Variants in ZBTB48 observed in about 807,000 individuals in gnomAD.
The protein encoded by ZBTB48 is zinc finger and BTB domain-containing protein 48.
Under a neutral mutation model 64.5 loss-of-function variants are expected in ZBTB48, and 35 were observed. The ratio of observed to expected loss-of-function variants is 0.54; its 90% CI spans 0.41 to 0.72. The LOEUF (loss-of-function observed/expected upper bound fraction) is 0.72, where lower values mean the gene tolerates loss of function less well. Ranked by LOEUF, ZBTB48 falls within the 30% of genes least tolerant of loss-of-function variation. The probability of loss-of-function intolerance (pLI) is 0.00; values close to 1 mark genes in which losing one functional copy is unlikely to be tolerated. For missense variants in ZBTB48, 828 were observed against 895.3 expected (o/e 0.92, Z 0.96); for synonymous variants, 442 against 356.7 (o/e 1.24, Z -2.70).
At chr1:6,586,571 C>T in intron 4 of ZBTB48, 124 bp from the exon 5 acceptor site, 1 of 1,327,052 alleles carries the variant, frequency 7.5e-7, no homozygotes, top group Non-Finnish European at 9.8e-7. Flanking sequence ...CCCTCTCCCA[C>T]CCTAGCGTCC....
At position 6,589,123 on chromosome 1, in the gene ZBTB48, CTG is replaced by C. The variant is rs768074078; in HGVS notation, c.1983_1984del (p.Ala662ArgfsTer25). On this transcript the variant is annotated frameshift_variant, in exon 11 of 11. Transcript: ENST00000377674. LOFTEE classifies it high-confidence loss of function. ...GLASQLPGQRLCAEESFTGPG... is the reference protein window; with the variant it reads ...GLASQLPGQRXCAEESFTGPG... ...GGCCTCCCAGCTCCCCGGCCAGAGA[CTG>C]TGTGCAGAGGAGAGCTTCACCGGCC... is the stretch of plus-strand genomic sequence containing the variant. 1.2e-6 allele frequency: 2 copies of C among 1,606,424 alleles called. No homozygotes were observed. Among genetic ancestry groups the C allele is most frequent in the Non-Finnish European group, 1.7e-6 (2 of 1,177,246 alleles).
rs1640774294 is a variant in ZBTB48 at position 6,588,824 on chromosome 1, G to A, written c.1750G>A (p.Gly584Ser). The A allele has an allele frequency of 6.2e-7, 1 of 1,614,028 alleles. No individual in the cohort carries two copies. Among genetic ancestry groups the A allele is most frequent in the Non-Finnish European group, 8.5e-7 (1 of 1,180,046 alleles). Residue 584 changes from glycine (G) to serine (S), a missense_variant, in exon 10 of 11, where the codon GGC (glycine) becomes AGC (serine). Coordinates refer to ENST00000377674, the MANE Select transcript of ZBTB48 (RefSeq NM_005341.4). ...GAGGAAGTTTGAGTGCACCGAGTGT[G>A]GCTACAAGTTTACCCGACAGGTAGG... ...GVRKFECTEC[G>S]YKFTRQAHLR...
At chr1:6,581,914 C>T in intron 2 of ZBTB48, 144 bp from the exon 3 acceptor site, 13 of 1,246,910 alleles carry the variant, frequency 1.0e-5, no homozygotes, top group South Asian at 1.4e-5. Flanking sequence ...GATTCAGATG[C>T]TCTGCCTTGG....
In ZBTB48 at chr1:6,586,577, C is replaced by T. The variant is rs534411936; in HGVS notation, c.1045-118C>T. ...TATGTGTTGCCCTCTCCCACCCTAG[C>T]GTCCCCACCCTCCCCAGGCAGACTC... On this transcript the variant is annotated intron_variant, in intron 4 of 10. Transcript: ENST00000377674. 11 of 1,381,050 alleles carry T rather than the reference C, an allele frequency of 8.0e-6. No individual in the cohort carries two copies. The East Asian group carries it at 1.1e-4, about 14-fold the overall frequency. 85.5% of individuals were successfully genotyped at this position (1,381,050 alleles called of 1,614,324 possible).
Position 6,580,599 on chromosome 1 carries a change from C to A in ZBTB48, c.-11C>A. 1 of 1,600,574 alleles carries A rather than the reference C, an allele frequency of 6.2e-7. No individual in the cohort carries two copies. On this transcript the variant is annotated 5_prime_UTR_variant, in exon 2 of 11. Transcript: ENST00000377674. This position sits in a 1 kb window ranked among gnomAD's most constrained non-coding sequence, Gnocchi z 5.2. ...CCGGGGTGTCACTTCTGCCTCCCTG[C>A]CCTCCAGACCATGGACGGCTCCTTC... is the stretch of plus-strand genomic sequence containing the variant.
Position 6,587,459 on chromosome 1 carries a change from C to T in ZBTB48, c.1225-19C>T, listed in dbSNP as rs1328597980. 6.2e-7 allele frequency: 1 copy of T among 1,613,416 alleles called. No individual in the cohort carries two copies. Among genetic ancestry groups the T allele is most frequent in the Non-Finnish European group, 8.5e-7 (1 of 1,179,888 alleles). ...CCCTGGCCCTGGTCCCTCCCTCTGC[C>T]TGCCTGGTCTGCCTGCAGTGCCCCA... is the stretch of plus-strand genomic sequence containing the variant. On this transcript the variant is annotated intron_variant, in intron 6 of 10. Transcript: ENST00000377674.
chr1:6,588,870 C>T (rs375039670), intron 10 of ZBTB48, 26 bp downstream of exon 10: 44 of 1,613,850 alleles, frequency 2.7e-5, no homozygotes, highest in Non-Finnish European at 3.7e-5. Context: ...GGCCCCTTCC[C>T]CTACCCTAGG....
At chr1:6,583,495 T>A (rs1335329046) in intron 3 of ZBTB48, among the ~76,000 whole-genome samples, 1 of 150,984 alleles carries the variant, frequency 6.6e-6, no homozygotes, top group Non-Finnish European at 1.5e-5. Flanking sequence ...GAGATGGGGC[T>A]TCACTATCTT....
At chr1:6,585,702 G>A in intron 3 of ZBTB48, 1 of 571,922 alleles carries the variant, frequency 1.7e-6, no homozygotes, top group Non-Finnish European at 3.1e-6. Context: ...CCAGATCCAT[G>A]GCAGCCTCTT....
intron 3 of ZBTB48, 140 bp from the exon 4 acceptor site, chr1:6,585,779 T>TAA: frequency 1.4e-6 from 1 of 740,100 alleles, no homozygotes; most frequent in South Asian, 1.6e-5. Context: ...GGGAGGCTTC[T>TAA]GGGCTTGTCC....
In ZBTB48 at chr1:6,580,971, G is replaced by A; in HGVS notation, c.362G>A (p.Gly121Glu). 5 of 1,613,788 alleles carry A rather than the reference G, an allele frequency of 3.1e-6. No individual in the cohort carries two copies. Among genetic ancestry groups the A allele is most frequent in the South Asian group, 1.1e-5 (1 of 91,088 alleles). The change falls in exon 2 of 11, where the codon GGA (glycine) becomes GAA (glutamate). Residue 121 changes from glycine to glutamate, a missense_variant. By Grantham distance (98) the Gly-to-Glu change is moderately conservative (BLOSUM62 -2). Coordinates refer to ENST00000377674, the MANE Select transcript of ZBTB48 (RefSeq NM_005341.4). The surrounding 1 kb of genome is among the most constrained non-coding windows in gnomAD (Gnocchi z 5.2). The stretch of plus-strand genomic sequence containing the variant: ...AGCTTCAAGCCCAAAACTTCAGTGG[G>A]ACAGGCAGCAGGTGGCCAGAGTGGG... Reference protein sequence around the residue: ...CQSFKPKTSVGQAAGGQSGLG... With the variant: ...CQSFKPKTSVEQAAGGQSGLG...
intron 7 of ZBTB48, 133 bp downstream of exon 7, chr1:6,587,765 A>C (rs538070637): frequency 7.0e-7 from 1 of 1,428,320 alleles, no homozygotes; most frequent in Non-Finnish European, 9.3e-7. Context: ...TCTAGTGCCT[A>C]CAGCCTCTCT....
At position 6,582,103 on chromosome 1, in the gene ZBTB48, A is replaced by C; in HGVS notation, c.736A>C (p.Met246Leu). Residue 246 changes from methionine to leucine, a missense_variant, in exon 3 of 11, where the codon ATG (methionine) becomes CTG (leucine). Physicochemically the swap from Met to Leu is conservative, Grantham distance 15. Coordinates refer to ENST00000377674, the MANE Select transcript of ZBTB48 (RefSeq NM_005341.4). ...GGAGGATGATGGGGATGGCGATTAC[A>C]TGTCTGAGCCTGAGGCTGTGCTGAC... ...QVEDDGDGDY[M>L]SEPEAVLTRR... is the part of the protein sequence containing the mutation. The C allele has an allele frequency of 6.2e-7, 1 of 1,614,180 alleles. No individual in the cohort carries two copies. The highest frequency in any genetic ancestry group is 8.5e-7 in the Non-Finnish European group (1 of 1,180,032).
In ZBTB48 at chr1:6,585,907, T is replaced by G. The variant is rs1640645470; in HGVS notation, c.933-12T>G. On this transcript the variant is annotated splice_polypyrimidine_tract_variant and intron_variant, in intron 3 of 10. Transcript: ENST00000377674. ...CTCTCAGCCCCCCCACCCCTGTGGC[T>G]TCTCCTGGCAGGAAACATACTGGGG... is the stretch of plus-strand genomic sequence containing the variant. 1 of 1,613,656 alleles carries G rather than the reference T, an allele frequency of 6.2e-7. No individual in the cohort carries two copies. The highest frequency in any genetic ancestry group is 8.5e-7 in the Non-Finnish European group (1 of 1,179,772).
At chr1:6,583,428 G>A (rs1227077667) in intron 3 of ZBTB48, among the ~76,000 whole-genome samples, 1 of 151,794 alleles carries the variant, frequency 6.6e-6, no homozygotes, top group Non-Finnish European at 1.5e-5. Flanking sequence ...AGCCTCCCGA[G>A]TAGCTGGGAT....
chr1:6,587,275 C>A lies in ZBTB48; in HGVS notation c.1208C>A (p.Ala403Asp). The A allele has an allele frequency of 2.5e-6, 4 of 1,614,054 alleles. No homozygotes were observed. Among genetic ancestry groups the A allele is most frequent in the East Asian group, 2.2e-5 (1 of 44,872 alleles). The change falls in exon 6 of 11, where the codon GCC (alanine) becomes GAC (aspartate). Residue 403 changes from alanine (A) to aspartate (D), a missense_variant. By Grantham distance (126) the Ala-to-Asp change is moderately radical. Coordinates refer to ENST00000377674, the MANE Select transcript of ZBTB48 (RefSeq NM_005341.4). ...LQSHMIKLHG[A>D]PKPHACPTCA... is the part of the protein sequence containing the mutation. ...AGCCACATGATCAAACTTCATGGAG[C>A]CCCCAAGCCCCATGCAGTAAGTGAC...
At chr1:6,582,775 A>G (rs1010255377) in intron 3 of ZBTB48, among the ~76,000 whole-genome samples, 4 of 152,144 alleles carry the variant, frequency 2.6e-5, no homozygotes, top group African/African-American at 9.7e-5. Context: ...ATTCAAGTCT[A>G]TTTGTCTAAA....
At position 6,587,572 on chromosome 1, in the gene ZBTB48, A is replaced by T. The variant is rs1449289667; in HGVS notation, c.1319A>T (p.Glu440Val). 6.2e-7 allele frequency: 1 copy of T among 1,613,900 alleles called. No individual in the cohort carries two copies. The highest frequency in any genetic ancestry group is 8.5e-7 in the Non-Finnish European group (1 of 1,180,014). The stretch of plus-strand genomic sequence containing the variant: ...GGTGAGAAGCTGTTTGTGTGTGAGG[A>T]GTGTGGGCACCGGGCCTCGAGCCGG... ...HRGEKLFVCEECGHRASSRNG... is the reference protein window; with the variant it reads ...HRGEKLFVCEVCGHRASSRNG... The change falls in exon 7 of 11, where the codon GAG (glutamate) becomes GTG (valine). Residue 440 changes from glutamate (E) to valine (V), a missense_variant. Transcript: ENST00000377674.
chr1:6,586,532 G>A (rs1640673317), intron 4 of ZBTB48, 163 bp from the exon 5 acceptor site: 2 of 1,390,550 alleles, frequency 1.4e-6, no homozygotes, highest in Admixed American at 3.0e-5. Flanking sequence ...AGCACTCAGT[G>A]ATGGTCAGGC....
Sources: gnomAD v4.1 joint callset for allele counts (sites outside exome capture counted in the v4.1 genomes callset) on GRCh38, gnomAD v4.1.1 for gene constraint, Gnocchi (gnomAD v3.1) non-coding constraint, MANE v1.5 for transcripts, NCBI Gene and HGNC (gene_info 2026-07-23, HGNC 2026-07-21) for gene names.